The following FSD1 variants were observed in gnomAD, a reference collection of about 807,000 sequenced individuals.
The protein encoded by FSD1 is fibronectin type III and SPRY domain-containing protein 1.
FSD1 carries 23 observed loss-of-function variants against 58.2 expected under a neutral mutation model. The ratio of observed to expected loss-of-function variants is 0.40; its 90% CI spans 0.28 to 0.56. FSD1 has a LOEUF of 0.56. Among genes scored for constraint, FSD1 ranks in the 20% least tolerant of loss-of-function variants. FSD1 has a pLI of 0.54. For missense variants in FSD1, 563 were observed against 670.8 expected, an observed-to-expected ratio of 0.84 and a Z score of 1.78; for synonymous variants, 265 against 263.4, an observed-to-expected ratio of 1.01 and a Z score of -0.06.
At chr19:4,307,303 G>T (rs1006432445) in intron 3 of FSD1, among the ~76,000 whole-genome samples, 1 of 152,122 alleles carries the variant, frequency 6.6e-6, no homozygotes, top group African/African-American at 2.4e-5. Context: ...CGATCCTCCT[G>T]CCTTGGCCTC....
rs1379376219 is a variant in FSD1, at chr19:4,322,945, T to C, written c.1040-41T>C. On this transcript the variant is annotated intron_variant, in intron 10 of 12. Transcript: ENST00000221856. ...TGGAAGGGCATCTGTGGCCCAGTTC[T>C]ATCCAGTTCCCCTGCCCACCCCTCC... 5 of 1,580,846 alleles carry C rather than the reference T, an allele frequency of 3.2e-6. No individual in the cohort carries two copies. The Admixed American group carries it at 5.3e-5, about 17-fold the overall frequency.
At chr19:4,322,916 T>G (rs1971717389) in intron 10 of FSD1, 70 bp from the exon 11 acceptor site, 1 of 1,526,062 alleles carries the variant, frequency 6.6e-7, no homozygotes, top group African/African-American at 1.4e-5. Flanking sequence ...GGGCTGGCCC[T>G]TTGTGGAAGG....
At chr19:4,319,985 C>T (rs1971796545) in intron 10 of FSD1, among the ~76,000 whole-genome samples, 2 of 152,008 alleles carry the variant, frequency 1.3e-5, no homozygotes, top group South Asian at 4.1e-4. Context: ...GATCTGGGGC[C>T]TGGGGAGGAT....
At chr19:4,306,361 G>C in intron 3 of FSD1, 32 bp downstream of exon 3, 1 of 1,609,196 alleles carries the variant, frequency 6.2e-7, no homozygotes, top group Non-Finnish European at 8.5e-7. Context: ...CTCTCCCCCC[G>C]CCCCTCCTAC....
intron 1 of FSD1, 147 bp from the exon 2 acceptor site, chr19:4,305,799 T>C (rs1599531866): frequency 3.0e-6 from 2 of 664,364 alleles, no homozygotes; most frequent in African/African-American, 3.5e-5. Context: ...TGTGTGCGCA[T>C]GTGTGTGCAT....
At chr19:4,308,107 C>A (rs1419345497) in intron 4 of FSD1, 124 bp downstream of exon 4, 4 of 691,490 alleles carry the variant, frequency 5.8e-6, no homozygotes, top group Admixed American at 2.6e-5. Flanking sequence ...AAAGTACATA[C>A]TGATACCAAG....
At chr19:4,306,414 G>A (rs1432015477) in intron 3 of FSD1, 85 bp downstream of exon 3, 1 of 1,427,990 alleles carries the variant, frequency 7.0e-7, no homozygotes, top group Non-Finnish European at 9.7e-7. Context: ...TCCAAAAACT[G>A]GGTGCTCTCG....
Position 4,322,882 on chromosome 19 carries a change from G to A in FSD1, c.1040-104G>A, listed in dbSNP as rs189288821. ...CTGGGGAGTGTCTCTGCAGGGAGCA[G>A]CTGTGGTGTAAGGAGCACCTTGGGG... On this transcript the variant is annotated intron_variant, in intron 10 of 12. Transcript: ENST00000221856. The A allele has an allele frequency of 2.8e-5, 38 of 1,365,534 alleles. No homozygotes were observed. The African/African-American group carries it at 5.0e-4, about 18-fold the overall frequency. 84.6% of individuals were successfully genotyped at this position (1,365,534 alleles called of 1,614,324 possible).
At chr19:4,315,717 T>G (rs1015694674) in intron 7 of FSD1, among the ~76,000 whole-genome samples, 2 of 147,896 alleles carry the variant, frequency 1.4e-5, no homozygotes, top group African/African-American at 5.0e-5. Flanking sequence ...GTTCAAGCAA[T>G]TCTCCTGCCC....
In FSD1 at chr19:4,306,025, T is replaced by C; in HGVS notation, c.95T>C (p.Met32Thr). ...AGCTTTATCTACTCCCTGAAACAGA[T>C]GCTGCTGAACGTGGAGGTGAAGGCG... ...IQSFIYSLKQ[M>T]LLNVEANSAK... Residue 32 changes from methionine (M) to threonine (T), a missense_variant, in exon 2 of 13, where the codon ATG becomes ACG. Coordinates refer to ENST00000221856, the MANE Select transcript of FSD1 (RefSeq NM_024333.3). 6.2e-7 allele frequency: 1 copy of C among 1,613,920 alleles called. No individual in the cohort carries two copies. The highest frequency in any genetic ancestry group is 1.3e-5 in the African/African-American group (1 of 74,976).
rs747923647 is a variant in FSD1 at position 4,322,967 on chromosome 19, C to T, written c.1040-19C>T. The T allele has an allele frequency of 1.9e-6, 3 of 1,602,166 alleles. No individual in the cohort carries two copies. Among genetic ancestry groups the T allele is most frequent in the Non-Finnish European group, 1.7e-6 (2 of 1,174,432 alleles). On this transcript the variant is annotated intron_variant, in intron 10 of 12. Coordinates refer to ENST00000221856, the MANE Select transcript of FSD1 (RefSeq NM_024333.3). ...TTCTATCCAGTTCCCCTGCCCACCC[C>T]TCCTGCCCTGCGCCACAGGGGACAC...
At chr19:4,306,365 C>A in intron 3 of FSD1, 36 bp downstream of exon 3, 1 of 1,610,828 alleles carries the variant, frequency 6.2e-7, no homozygotes, top group South Asian at 1.1e-5. Context: ...CCCCCCGCCC[C>A]TCCTACTCAA....
In FSD1 at chr19:4,310,308, G is replaced by A; in HGVS notation, c.368+13G>A. On this transcript the variant is annotated intron_variant, in intron 5 of 12. Transcript: ENST00000221856. ...AAATCAAAGATGGGTAAGACACTGG[G>A]GTCTGGCCCCCACCCCACTACCCTG... 1 of 1,613,960 alleles carries A rather than the reference G, an allele frequency of 6.2e-7. No individual in the cohort carries two copies. Among genetic ancestry groups the A allele is most frequent in the Non-Finnish European group, 8.5e-7 (1 of 1,179,810 alleles).
At chr19:4,316,709 G>A (rs1303622587) in intron 7 of FSD1, among the ~76,000 whole-genome samples, 2 of 151,908 alleles carry the variant, frequency 1.3e-5, no homozygotes, top group Non-Finnish European at 2.9e-5. Flanking sequence ...AGGGAGAGGA[G>A]GGCAAGGAAT....
At chr19:4,315,551 G>A (rs1204501125) in intron 7 of FSD1, among the ~76,000 whole-genome samples, 3 of 148,094 alleles carry the variant, frequency 2.0e-5, no homozygotes, top group East Asian at 2.0e-4. Context: ...CTTGTGATCC[G>A]CCTCCGTCGG....
In FSD1 at chr19:4,312,061, G is replaced by C. The variant is rs760721907; in HGVS notation, c.700+10G>C. Reference sequence around the variant, plus strand: ...GAGTACACCCTGACAGGTAAGGGCAGTGTGTGCCAGCTCCGCCCAGCTGTG... The same window carrying C: ...GAGTACACCCTGACAGGTAAGGGCACTGTGTGCCAGCTCCGCCCAGCTGTG... On this transcript the variant is annotated intron_variant, in intron 7 of 12. Transcript: ENST00000221856. 1 of 1,593,642 alleles carries C rather than the reference G, an allele frequency of 6.3e-7. No individual in the cohort carries two copies. Among genetic ancestry groups the C allele is most frequent in the Non-Finnish European group, 8.5e-7 (1 of 1,173,178 alleles).
chr19:4,305,966 C>T lies in FSD1; in HGVS notation c.36C>T (p.Ile12=). 4 of 1,614,072 alleles carry T rather than the reference C, an allele frequency of 2.5e-6. No individual in the cohort carries two copies. The highest frequency in any genetic ancestry group is 3.4e-6 in the Non-Finnish European group (4 of 1,179,928). ...TGCAGGAGGCCCTGAGGAAGATCATCAAAACACTGGCTGTGAAGAATGAAG... is the reference window on the plus strand; with the variant it reads ...TGCAGGAGGCCCTGAGGAAGATCATTAAAACACTGGCTGTGAAGAATGAAG... ...EEQREALRKI[I]KTLAVKNEEI... Residue 12 remains isoleucine (I), a synonymous_variant, in exon 2 of 13, where the codon ATC becomes ATT. Transcript: ENST00000221856.
rs1971597058 is a variant in FSD1 at position 4,304,772 on chromosome 19, G to GCCC, written c.15+11_15+12insCCC. ...ATGGAAGAACAGAGGGTAGGACGGG[G>GCCC]TGGGGCAGGGCGGGCCCGCAGGGGC... On this transcript the variant is annotated intron_variant, in intron 1 of 12. Coordinates refer to ENST00000221856, the MANE Select transcript of FSD1 (RefSeq NM_024333.3). The GCCC allele has an allele frequency of 1.9e-6, 2 of 1,029,774 alleles. No homozygotes were observed. Among genetic ancestry groups the GCCC allele is most frequent in the Non-Finnish European group, 1.2e-6 (1 of 804,090 alleles). 63.8% of individuals were successfully genotyped at this position (1,029,774 alleles called of 1,614,324 possible).
rs141557226 is a variant in FSD1, at chr19:4,306,209, G to A, written c.123G>A (p.Ala41=). The change falls in exon 3 of 13, where the codon GCG becomes GCA. Residue 41 remains alanine, a synonymous_variant. Transcript: ENST00000221856. ...CTGTTCCGACCCAGGCGAACTCGGC[G>A]AAGGTGCAGGAGGACCTCGAAGCAG... is the stretch of plus-strand genomic sequence containing the variant. The part of the protein sequence containing the change: ...QMLLNVEANS[A]KVQEDLEAEF... 190 of 1,613,990 alleles carry A rather than the reference G, an allele frequency of 1.2e-4. No individual in the cohort carries two copies. The African/African-American group carries it at 1.7e-3, about 15-fold the overall frequency.
Sources: allele counts gnomAD v4.1 joint callset (sites outside exome capture counted in the v4.1 genomes callset), GRCh38; gene constraint gnomAD v4.1.1; transcripts MANE v1.5; gene names NCBI Gene and HGNC (gene_info 2026-07-23, HGNC 2026-07-21).